The following MAPRE3 variants were observed in gnomAD, a reference collection of about 807,000 sequenced individuals.
The protein encoded by MAPRE3 is microtubule associated protein RP/EB family member 3.
A neutral mutation model predicts 30.5 loss-of-function variants in MAPRE3; 2 were observed. The observed-to-expected ratio is 0.07, with a 90% CI of 0.03 to 0.21. The LOEUF is 0.21. MAPRE3 is among the 10% of genes least tolerant of loss of function. The probability of loss-of-function intolerance (pLI) is 1.00; values close to 1 mark genes in which losing one functional copy is unlikely to be tolerated. For missense variants in MAPRE3, 204 were observed against 351.8 expected (o/e 0.58, Z 3.36); for synonymous variants, 110 against 127.7 (o/e 0.86, Z 0.93).
chr2:27,010,845 A>G (rs1052624239), intron 1 of MAPRE3, among the ~76,000 whole-genome samples: 1 of 152,180 alleles, frequency 6.6e-6, no homozygotes, highest in African/African-American at 2.4e-5. Flanking sequence ...GCAGACACAC[A>G]TGGCTGTGAT....
At chr2:26,998,490 A>G (rs1016626047) in intron 1 of MAPRE3, among the ~76,000 whole-genome samples, 1 of 152,154 alleles carries the variant, frequency 6.6e-6, no homozygotes, top group African/African-American at 2.4e-5. Flanking sequence ...CTAGTTTCAA[A>G]TCAGTTCTGT....
Position 26,985,945 on chromosome 2 carries a change from G to A in MAPRE3, c.-8+15143G>A, listed in dbSNP as rs1396572203. On this transcript the variant is annotated intron_variant, in intron 1 of 6. Transcript: ENST00000233121. This position sits in a 1 kb window ranked among gnomAD's most constrained non-coding sequence, Gnocchi z 4.2. ...CCTTCAGAGGGAGGGCAGCCCTACC[G>A]ATGCTGTGATGCTGGACTTCTGGCC... Among the ~76,000 whole-genome samples, 1 of 152,144 alleles carries A rather than the reference G, an allele frequency of 6.6e-6. No homozygotes were observed. The highest frequency in any genetic ancestry group is 2.4e-5 in the African/African-American group (1 of 41,430).
At chr2:26,971,380 G>C (rs1665912754) in intron 1 of MAPRE3, among the ~76,000 whole-genome samples, 1 of 152,206 alleles carries the variant, frequency 6.6e-6, no homozygotes, top group Admixed American at 6.5e-5. Flanking sequence ...GAGCTTGCAG[G>C]GCTTTCCGAA....
At chr2:26,987,144 C>T (rs1038872613) in intron 1 of MAPRE3, among the ~76,000 whole-genome samples, 37 of 152,206 alleles carry the variant, frequency 2.4e-4, no homozygotes, top group Non-Finnish European at 5.1e-4. Flanking sequence ...AAAATTTCCT[C>T]CTTGTATATC....
intron 1 of MAPRE3, among the ~76,000 whole-genome samples, chr2:26,997,321 C>T (rs1666484339): frequency 6.6e-6 from 1 of 152,100 alleles, no homozygotes; most frequent in Non-Finnish European, 1.5e-5. Flanking sequence ...TGGCCCAACA[C>T]AAATTTGTAA....
intron 1 of MAPRE3, among the ~76,000 whole-genome samples, chr2:26,998,971 C>T (rs759536652): frequency 4.6e-5 from 7 of 152,168 alleles, no homozygotes; most frequent in Non-Finnish European, 8.8e-5. Context: ...CTGATTCTGT[C>T]AGCTAGTGCT....
intron 3 of MAPRE3, chr2:27,023,815 G>A: frequency 2.0e-6 from 1 of 508,246 alleles, no homozygotes; most frequent in Non-Finnish European, 3.6e-6. Flanking sequence ...TGCCTCGGTG[G>A]CTGCAGACCC....
intron 1 of MAPRE3, among the ~76,000 whole-genome samples, chr2:26,990,741 A>G (rs1666319875): frequency 6.6e-6 from 1 of 152,248 alleles, no homozygotes; most frequent in Admixed American, 6.5e-5. Context: ...TTTGAATTTA[A>G]TAACAATTAG....
At chr2:26,978,696 T>C (rs945649701) in intron 1 of MAPRE3, among the ~76,000 whole-genome samples, 1 of 152,246 alleles carries the variant, frequency 6.6e-6, no homozygotes, top group Non-Finnish European at 1.5e-5. Flanking sequence ...GTTTACAGAT[T>C]ATTCATATAA....
chr2:26,971,986 G>C (rs1665923837), intron 1 of MAPRE3, among the ~76,000 whole-genome samples: 1 of 152,156 alleles, frequency 6.6e-6, no homozygotes, highest in South Asian at 2.1e-4. Context: ...CCTGTTCTTG[G>C]AATAGAAGAG....
intron 1 of MAPRE3, among the ~76,000 whole-genome samples, chr2:26,999,517 G>GTTTTA (rs1558378424): frequency 8.5e-6 from 1 of 117,978 alleles, no homozygotes; most frequent in Non-Finnish European, 1.7e-5. Flanking sequence ...TTTTTTTTTG[G>GTTTTA]GATGGAGTTT....
intron 1 of MAPRE3, among the ~76,000 whole-genome samples, chr2:26,976,015 A>G (rs1438720465): frequency 1.3e-5 from 2 of 152,240 alleles, no homozygotes; most frequent in African/African-American, 4.8e-5. Flanking sequence ...TAATTATTCT[A>G]ATAAGCTAAT....
At chr2:26,999,488 C>CTTTTTTTTTTTTTT (rs531651199) in intron 1 of MAPRE3, among the ~76,000 whole-genome samples, 3 of 79,004 alleles carry the variant, frequency 3.8e-5, no homozygotes, top group Admixed American at 1.8e-4. Context: ...TTCCTTCTTT[C>CTTTTTTTTTTTTTT]TTTTTTTTTT....
Position 27,024,087 on chromosome 2 carries a change from C to CT in MAPRE3, c.268-8dup, listed in dbSNP as rs1667177609. 1 of 1,609,714 alleles carries CT rather than the reference C, an allele frequency of 6.2e-7. No homozygotes were observed. The highest frequency in any genetic ancestry group is 8.5e-7 in the Non-Finnish European group (1 of 1,176,344). On this transcript the variant is annotated splice_polypyrimidine_tract_variant and intron_variant, in intron 3 of 6. Transcript: ENST00000233121. ...GGCTAAAGTACTCTGCTTATGTGGT[C>CT]TATTTCAGATCATTCCTGTAGAGAA...
At chr2:26,976,355 T>C (rs1042927529) in intron 1 of MAPRE3, among the ~76,000 whole-genome samples, 11 of 152,248 alleles carry the variant, frequency 7.2e-5, no homozygotes, top group Admixed American at 7.2e-4. Context: ...CATTTGGACA[T>C]GTGCTTTGGG....
intron 1 of MAPRE3, among the ~76,000 whole-genome samples, chr2:26,980,711 G>A (rs1321413576): frequency 6.6e-6 from 1 of 152,158 alleles, no homozygotes; most frequent in Non-Finnish European, 1.5e-5. Flanking sequence ...CAAAGGGTAC[G>A]ATTTTTTAAA....
At chr2:27,001,669 CATAA>C (rs990990498) in intron 1 of MAPRE3, among the ~76,000 whole-genome samples, 10 of 152,278 alleles carry the variant, frequency 6.6e-5, no homozygotes, top group South Asian at 4.1e-4. Context: ...TTCATTCACT[CATAA>C]ATAAATAAAT....
intron 6 of MAPRE3, 37 bp from the exon 7 acceptor site, chr2:27,026,243 C>T: frequency 6.3e-7 from 1 of 1,587,366 alleles, no homozygotes; most frequent in Non-Finnish European, 8.6e-7. Flanking sequence ...GCCTGGCCTG[C>T]CTGGCCCACC....
intron 1 of MAPRE3, chr2:27,011,759 T>C (rs1379770511): frequency 6.7e-6 from 1 of 148,162 alleles, no homozygotes; most frequent in Non-Finnish European, 1.5e-5. Flanking sequence ...GGCAGGAGGA[T>C]TGCTTGAACC....
Sources: gnomAD v4.1 joint callset for allele counts (sites outside exome capture counted in the v4.1 genomes callset) on GRCh38, gnomAD v4.1.1 for gene constraint, Gnocchi (gnomAD v3.1) non-coding constraint, MANE v1.5 for transcripts, NCBI Gene and HGNC (gene_info 2026-07-23, HGNC 2026-07-21) for gene names.